Variants in FGF9 observed in about 807,000 individuals in gnomAD.
FGF9 encodes the protein fibroblast growth factor 9 (glia-activating factor).
Under a neutral mutation model 19.9 loss-of-function variants are expected in FGF9, and 3 were observed. That is an observed-to-expected ratio of 0.15 (90% CI 0.07 to 0.39). FGF9 has a LOEUF of 0.39. Ranked by LOEUF, FGF9 falls within the 10% of genes least tolerant of loss-of-function variation. The pLI, the probability that FGF9 is intolerant of heterozygous loss-of-function variation, is 1.00. For synonymous variants in FGF9, 107 were observed against 106.9 expected (o/e 1.00, Z -0.01); for missense variants, 175 against 256.8 (o/e 0.68, Z 2.18).
chr13:21,695,213 T>G (rs901208477), intron 2 of FGF9, among the ~76,000 whole-genome samples: 5 of 151,998 alleles, frequency 3.3e-5, no homozygotes, highest in Non-Finnish European at 4.4e-5. Flanking sequence ...TTCCTTTTCG[T>G]TTTTTGTTTT....
At chr13:21,675,258 GGTTATTTAA>G (rs1871884318) in intron 1 of FGF9, among the ~76,000 whole-genome samples, 1 of 152,108 alleles carries the variant, frequency 6.6e-6, no homozygotes, top group African/African-American at 2.4e-5. Flanking sequence ...GAGGCAGGAG[GGTTATTTAA>G]GTCTTTCATC....
Position 21,671,386 on chromosome 13 carries a change from C to G in FGF9, c.-527C>G. 2.5e-6 allele frequency: 1 copy of G among 395,512 alleles called. No homozygotes were observed. The highest frequency in any genetic ancestry group is 4.4e-6 in the Non-Finnish European group (1 of 225,032). 24.5% of individuals were successfully genotyped at this position (395,512 alleles called of 1,614,324 possible). A position where few individuals can be genotyped will look rare whatever the true frequency, so the allele number is the denominator to read the frequency against. On this transcript the variant is annotated 5_prime_UTR_variant, in exon 1 of 3. Transcript: ENST00000382353. ...GCCACCAACGTGAGATTTTTTTTTC[C>G]CCTTGAAGGATTCATGCTGATGTCT...
intron 2 of FGF9, among the ~76,000 whole-genome samples, chr13:21,682,996 A>G (rs1306638908): frequency 6.6e-6 from 1 of 152,236 alleles, no homozygotes; most frequent in Admixed American, 6.5e-5. Flanking sequence ...ATGTTATTTT[A>G]TAAGAGATAC....
At chr13:21,679,581 T>G (rs1233124673) in intron 1 of FGF9, among the ~76,000 whole-genome samples, 1 of 152,004 alleles carries the variant, frequency 6.6e-6, no homozygotes, top group Non-Finnish European at 1.5e-5. Context: ...TAATGTAAGG[T>G]CTACATAAAA....
At chr13:21,695,357 C>T (rs1336233756) in intron 2 of FGF9, among the ~76,000 whole-genome samples, 1 of 152,006 alleles carries the variant, frequency 6.6e-6, no homozygotes, top group Non-Finnish European at 1.5e-5. Context: ...CAATTGTTCC[C>T]ACAATTCTGG....
At chr13:21,677,681 A>T (rs923448158) in intron 1 of FGF9, among the ~76,000 whole-genome samples, 1 of 152,076 alleles carries the variant, frequency 6.6e-6, no homozygotes, top group South Asian at 2.1e-4. Flanking sequence ...TGCATGGGGG[A>T]GAATGACTGT....
intron 2 of FGF9, among the ~76,000 whole-genome samples, chr13:21,685,789 G>A (rs1872142716): frequency 6.6e-6 from 1 of 152,186 alleles, no homozygotes; most frequent in Non-Finnish European, 1.5e-5. Context: ...GGGAGGTTGA[G>A]CGGTAGCATT....
intron 1 of FGF9, among the ~76,000 whole-genome samples, chr13:21,676,795 G>T (rs1448517702): frequency 6.6e-6 from 1 of 152,352 alleles, no homozygotes; most frequent in Non-Finnish European, 1.5e-5. Context: ...GAGGGCCAGA[G>T]TGGAGCAGCT....
intron 2 of FGF9, among the ~76,000 whole-genome samples, chr13:21,698,453 T>C (rs1411787443): frequency 6.6e-6 from 1 of 152,214 alleles, no homozygotes; most frequent in East Asian, 1.9e-4. Flanking sequence ...CAACCCTGCC[T>C]CAAGACACTT....
intron 2 of FGF9, among the ~76,000 whole-genome samples, chr13:21,686,220 G>T (rs1872153859): frequency 6.6e-6 from 1 of 152,060 alleles, no homozygotes; most frequent in African/African-American, 2.4e-5. Flanking sequence ...GTAGAGATGG[G>T]GTTTCACCAT....
chr13:21,672,005 TTTG>T lies in FGF9; in HGVS notation c.96_98del (p.Leu33del), dbSNP rs758207436. ...CCGTGTTGCCGGTGGACAGCCCGGT[TTTG>T]TTAAGTGACCACCTGGGTCAGTCCG... On this transcript the variant is annotated inframe_deletion, in exon 1 of 3. Coordinates refer to ENST00000382353, the MANE Select transcript of FGF9 (RefSeq NM_002010.3). The surrounding 1 kb of genome is among the most constrained non-coding windows in gnomAD (Gnocchi z 4.2). 8 of 1,614,034 alleles carry T rather than the reference TTTG, an allele frequency of 5.0e-6. No individual in the cohort carries two copies. The highest frequency in any genetic ancestry group is 6.8e-6 in the Non-Finnish European group (8 of 1,180,044).
intron 2 of FGF9, among the ~76,000 whole-genome samples, chr13:21,684,116 C>T (rs751574812): frequency 3.3e-5 from 5 of 152,242 alleles, no homozygotes; most frequent in Non-Finnish European, 5.9e-5. Context: ...AAGCAGGACT[C>T]TTTATTTAAA....
At chr13:21,683,997 C>T (rs762568709) in intron 2 of FGF9, among the ~76,000 whole-genome samples, 3 of 152,230 alleles carry the variant, frequency 2.0e-5, no homozygotes, top group African/African-American at 7.2e-5. Context: ...CTATGCAACT[C>T]GAGTCTGTCT....
Position 21,703,837 on chromosome 13 carries a change from A to G in FGF9, c.*2402A>G, listed in dbSNP as rs1360672427. On this transcript the variant is annotated 3_prime_UTR_variant, in exon 3 of 3. Transcript: ENST00000382353. ...AAGACAAAAATCTTCATGCATTCCTATAAAACGCTACTTTAAGGTCTACTT... is the reference window on the plus strand; with the variant it reads ...AAGACAAAAATCTTCATGCATTCCTGTAAAACGCTACTTTAAGGTCTACTT... 2.6e-5 allele frequency: 4 copies of G among 152,162 alleles called. No homozygotes were observed. Among genetic ancestry groups the G allele is most frequent in the East Asian group, 1.9e-4 (1 of 5,202 alleles). 9.4% of individuals were successfully genotyped at this position (152,162 alleles called of 1,614,324 possible).
chr13:21,673,049 CTTT>C (rs1871806851), intron 1 of FGF9, among the ~76,000 whole-genome samples: 1 of 152,186 alleles, frequency 6.6e-6, no homozygotes, highest in South Asian at 2.1e-4. Flanking sequence ...GCTCTGCCCA[CTTT>C]ATGCTTGCAC....
chr13:21,674,481 C>T (rs1213671520), intron 1 of FGF9, among the ~76,000 whole-genome samples: 1 of 142,868 alleles, frequency 7.0e-6, no homozygotes, highest in Non-Finnish European at 1.5e-5. Flanking sequence ...GCCTCCGCTC[C>T]GGCTTCACAA....
In FGF9 at chr13:21,671,154, C is replaced by CTG; in HGVS notation, c.-757_-756dup. On this transcript the variant is annotated 5_prime_UTR_variant, in exon 1 of 3. Coordinates refer to ENST00000382353, the MANE Select transcript of FGF9 (RefSeq NM_002010.3). ...GCTCCGCGAGCCGGCGCGGCAACACCTGTTCGCGGCAGCCTGGGCGGCACG... is the reference window on the plus strand; with the variant it reads ...GCTCCGCGAGCCGGCGCGGCAACACCTGTGTTCGCGGCAGCCTGGGCGGCACG... Among the ~76,000 whole-genome samples the CTG allele has an allele frequency of 6.6e-6, 1 of 152,334 alleles. No individual in the cohort carries two copies. The highest frequency in any genetic ancestry group is 1.9e-4 in the East Asian group (1 of 5,182).
Position 21,671,858 on chromosome 13 carries a change from T to G in FGF9, c.-55T>G, listed in dbSNP as rs1871775637. 1 of 1,608,254 alleles carries G rather than the reference T, an allele frequency of 6.2e-7. No homozygotes were observed. The highest frequency in any genetic ancestry group is 1.3e-5 in the African/African-American group (1 of 74,814). On this transcript the variant is annotated 5_prime_UTR_variant, in exon 1 of 3. Coordinates refer to ENST00000382353, the MANE Select transcript of FGF9 (RefSeq NM_002010.3). ...TGGATATACCTCGCCTAATATCTCC[T>G]GGGTTGACACCATCATTATTGTTTA...
chr13:21,671,445 C>T lies in FGF9; in HGVS notation c.-468C>T, dbSNP rs557866920. On this transcript the variant is annotated 5_prime_UTR_variant, in exon 1 of 3. Transcript: ENST00000382353. ...GGTTAGAGAGTAAAAACAGCGCATGCCTTCCTGGAGTCAGGATCCGTAAAT... is the reference window on the plus strand; with the variant it reads ...GGTTAGAGAGTAAAAACAGCGCATGTCTTCCTGGAGTCAGGATCCGTAAAT... The T allele has an allele frequency of 4.7e-6, 2 of 424,566 alleles. No individual in the cohort carries two copies. The highest frequency in any genetic ancestry group is 3.4e-5 in the East Asian group (1 of 29,702). 26.3% of individuals were successfully genotyped at this position (424,566 alleles called of 1,614,324 possible).
Sources: allele counts gnomAD v4.1 joint callset (sites outside exome capture counted in the v4.1 genomes callset), GRCh38; gene constraint gnomAD v4.1.1; non-coding constraint Gnocchi (gnomAD v3.1); transcripts MANE v1.5; gene names NCBI Gene and HGNC (gene_info 2026-07-23, HGNC 2026-07-21).